TENM2: variants seen among roughly 807,000 people sequenced by gnomAD.
TENM2 encodes the protein teneurin-2.
Under a neutral mutation model 245.2 loss-of-function variants are expected in TENM2, and 52 were observed. The observed-to-expected ratio is 0.21, with a 90% CI of 0.17 to 0.27. The LOEUF is 0.27. Among genes scored for constraint, TENM2 ranks in the 10% least tolerant of loss-of-function variants. The pLI, the probability that TENM2 is intolerant of heterozygous loss-of-function variation, is 1.00. For synonymous variants in TENM2, 1,363 were observed against 1,438.9 expected (o/e 0.95, Z 1.19); for missense variants, 3,046 against 3,666.8 (o/e 0.83, Z 4.37).
chr5:167,418,014 A>C (rs1360924178), intron 2 of TENM2, among the ~76,000 whole-genome samples: 1 of 152,140 alleles, frequency 6.6e-6, no homozygotes, highest in Non-Finnish European at 1.5e-5. Flanking sequence ...GTACATCCTC[A>C]CCTAGACCAC....
rs76155764 is a variant in TENM2, at chr5:167,635,633, C to CTTTTTTTTTTTTTTTTTTTTTTTTTTTTT, written c.503-240352_503-240324dup. Among the ~76,000 whole-genome samples the CTTTTTTTTTTTTTTTTTTTTTTTTTTTTT allele has an allele frequency of 2.1e-4, 16 of 74,940 alleles. 1 individual carries two copies. Among genetic ancestry groups the CTTTTTTTTTTTTTTTTTTTTTTTTTTTTT allele is most frequent in the East Asian group, 1.2e-3 (2 of 1,710 alleles). 49.2% of individuals were successfully genotyped at this position (74,940 alleles called of 152,430 possible). A position where few individuals can be genotyped will look rare whatever the true frequency, so the allele number is the denominator to read the frequency against. On this transcript the variant is annotated intron_variant, in intron 2 of 28. Transcript: ENST00000518659. ...GGAATCTGGCTATGATCAGTACAGT[C>CTTTTTTTTTTTTTTTTTTTTTTTTTTTTT]TTTTTTTTTTTTTTTTTTTTTTTTT...
intron 12 of TENM2, among the ~76,000 whole-genome samples, chr5:168,128,164 A>G (rs1795990116): frequency 6.6e-6 from 1 of 152,014 alleles, no homozygotes. Flanking sequence ...TAGCACTGGG[A>G]CCCTGCTGGG....
intron 26 of TENM2, among the ~76,000 whole-genome samples, chr5:168,245,363 A>C (rs1041862832): frequency 1.3e-5 from 2 of 152,076 alleles, no homozygotes; most frequent in Admixed American, 6.6e-5. Flanking sequence ...TTACTTATGA[A>C]TTGGAAATGC....
At chr5:168,123,303 A>C (rs1191886501) in intron 10 of TENM2, among the ~76,000 whole-genome samples, 1 of 152,074 alleles carries the variant, frequency 6.6e-6, no homozygotes, top group African/African-American at 2.4e-5. Flanking sequence ...TGTCTCAGAA[A>C]ACAAACAAAC....
At chr5:168,057,589 T>A (rs919826616) in intron 6 of TENM2, among the ~76,000 whole-genome samples, 4 of 152,176 alleles carry the variant, frequency 2.6e-5, no homozygotes, top group African/African-American at 9.7e-5. Flanking sequence ...AGTCATTAAG[T>A]CATGACTAGG....
intron 12 of TENM2, among the ~76,000 whole-genome samples, chr5:168,141,872 A>T (rs1158237061): frequency 6.6e-6 from 1 of 152,174 alleles, no homozygotes; most frequent in Non-Finnish European, 1.5e-5. Flanking sequence ...CGTCAGACGG[A>T]TCAGTCATAA....
At position 167,749,453 on chromosome 5, in the gene TENM2, C is replaced by G. The variant is rs182518278; in HGVS notation, c.503-126533C>G. On this transcript the variant is annotated intron_variant, in intron 2 of 28. Coordinates refer to ENST00000518659, the Ensembl canonical transcript of TENM2. ...AGGAGTTCAAGACCAGCCTGGCCAA[C>G]TTGATGAAACCCTGCCTCTACTAAA... 8.1e-3 allele frequency among the ~76,000 whole-genome samples: 1,228 copies of G among 152,172 alleles called. 2 individuals are homozygous for G. The highest frequency in any genetic ancestry group is 0.013 in the Non-Finnish European group (911 of 67,990).
At chr5:167,448,719 C>G (rs1433402264) in intron 2 of TENM2, among the ~76,000 whole-genome samples, 1 of 151,304 alleles carries the variant, frequency 6.6e-6, no homozygotes, top group Non-Finnish European at 1.5e-5. Flanking sequence ...CAGGAACGTA[C>G]CGAGAAAGTT....
chr5:167,667,924 G>A (rs1036551804), intron 2 of TENM2, among the ~76,000 whole-genome samples: 1 of 152,170 alleles, frequency 6.6e-6, no homozygotes, highest in South Asian at 2.1e-4. Flanking sequence ...TAAACCAGAA[G>A]AGGCATCTAA....
chr5:167,687,587 G>T (rs570688813), intron 2 of TENM2, among the ~76,000 whole-genome samples: 2 of 152,148 alleles, frequency 1.3e-5, no homozygotes, highest in African/African-American at 2.4e-5. Flanking sequence ...TAGCATTGAC[G>T]TTGAGAGTTC....
chr5:167,692,856 T>C (rs1175585540), intron 2 of TENM2, among the ~76,000 whole-genome samples: 2 of 152,166 alleles, frequency 1.3e-5, no homozygotes, highest in Non-Finnish European at 2.9e-5. Context: ...AGATGGACGA[T>C]AGTGTTGCAT....
At chr5:167,272,766 T>G in the TENM2 span, among the ~76,000 whole-genome samples, 1 of 152,120 alleles carries the variant, frequency 6.6e-6, no homozygotes, top group African/African-American at 2.4e-5. Flanking sequence ...ATCCTAAAGG[T>G]GCACAGTCAT....
At chr5:167,095,920 G>A in the TENM2 span, among the ~76,000 whole-genome samples, 16 of 151,802 alleles carry the variant, frequency 1.1e-4, no homozygotes, top group Non-Finnish European at 1.8e-4. Context: ...ACAGGCACCC[G>A]CCACCACACC....
intron 2 of TENM2, among the ~76,000 whole-genome samples, chr5:167,407,265 T>G (rs150175493): frequency 6.6e-6 from 1 of 152,222 alleles, no homozygotes; most frequent in East Asian, 1.9e-4. Flanking sequence ...ACTAAAAATA[T>G]AAATAACTGG....
chr5:167,236,141 T>A, the TENM2 span, among the ~76,000 whole-genome samples: 2 of 152,152 alleles, frequency 1.3e-5, no homozygotes, highest in African/African-American at 4.8e-5. Context: ...TACACCTCCA[T>A]TATTGCATGA....
chr5:167,120,306 A>G, the TENM2 span, among the ~76,000 whole-genome samples: 322 of 152,330 alleles, frequency 2.1e-3, 2 homozygotes, highest in African/African-American at 6.9e-3. Context: ...GGAGAAGGCC[A>G]AACTAGAAAA....
intron 1 of TENM2, among the ~76,000 whole-genome samples, chr5:167,315,592 T>C (rs1756317700): frequency 1.3e-5 from 2 of 152,162 alleles, no homozygotes; most frequent in South Asian, 4.1e-4. Context: ...TTTAGAAACA[T>C]GTTATAGAGT....
At chr5:167,682,802 T>G (rs1300684180) in intron 2 of TENM2, among the ~76,000 whole-genome samples, 1 of 152,122 alleles carries the variant, frequency 6.6e-6, no homozygotes, top group Non-Finnish European at 1.5e-5. Flanking sequence ...TCAGGCAAAC[T>G]GGGGACCCTG....
At chr5:168,108,651 G>A (rs988234111) in intron 9 of TENM2, among the ~76,000 whole-genome samples, 2 of 152,166 alleles carry the variant, frequency 1.3e-5, no homozygotes, top group African/African-American at 2.4e-5. Flanking sequence ...GCAGGGCCAC[G>A]TCTGCCTGGT....
Sources: gnomAD v4.1 joint callset for allele counts (sites outside exome capture counted in the v4.1 genomes callset) on GRCh38, gnomAD v4.1.1 for gene constraint, MANE v1.5 for transcripts, NCBI Gene and HGNC (gene_info 2026-07-23, HGNC 2026-07-21) for gene names.